Variants in NBEA observed in about 807,000 individuals in gnomAD.
NBEA encodes the protein neurobeachin, also known as lysosomal-trafficking regulator 2.
A neutral mutation model predicts 343.4 loss-of-function variants in NBEA; 44 were observed. The ratio of observed to expected loss-of-function variants is 0.13; its 90% confidence interval spans 0.10 to 0.16. The LOEUF is 0.16. Ranked by LOEUF, NBEA falls within the 10% of genes least tolerant of loss-of-function variation. The pLI is 1.00. For missense variants in NBEA, 2,555 were observed against 3,631.3 expected, an observed-to-expected ratio of 0.70 and a Z score of 7.62; for synonymous variants, 1,175 against 1,238.7, an observed-to-expected ratio of 0.95 and a Z score of 1.08.
Position 35,015,134 on chromosome 13 carries a change from AAAAAACAAAC to A in NBEA, c.295-25793_295-25784del, listed in dbSNP as rs1391425989. Among the ~76,000 whole-genome samples, 8 of 131,098 alleles carry A rather than the reference AAAAAACAAAC, an allele frequency of 6.1e-5. 1 individual carries two copies. The highest frequency in any genetic ancestry group is 2.4e-4 in the African/African-American group (8 of 33,098). 86.0% of individuals were successfully genotyped at this position (131,098 alleles called of 152,430 possible). A position where few individuals can be genotyped will look rare whatever the true frequency, so the allele number is the denominator to read the frequency against. On this transcript the variant is annotated intron_variant, in intron 1 of 58. Coordinates refer to ENST00000379939, the MANE Select transcript of NBEA (RefSeq NM_001385012.1). ...CAAAAAGCAACGAGATCTGAAAAAA[AAAAAACAAAC>A]AAAAAAAAAAAACCACACACAAAGC...
intron 13 of NBEA, among the ~76,000 whole-genome samples, chr13:35,115,121 GA>G (rs1408072408): frequency 1.3e-5 from 2 of 152,020 alleles, no homozygotes; most frequent in Non-Finnish European, 2.9e-5. Context: ...GGTAGCAAGT[GA>G]AATCATACAA....
At chr13:35,561,029 A>G (rs901010511) in intron 44 of NBEA, among the ~76,000 whole-genome samples, 5 of 152,204 alleles carry the variant, frequency 3.3e-5, no homozygotes, top group Non-Finnish European at 7.4e-5. Context: ...TGCTGATGCC[A>G]TTGATCTAGG....
At chr13:35,578,965 G>A (rs915702601) in intron 45 of NBEA, among the ~76,000 whole-genome samples, 4 of 150,964 alleles carry the variant, frequency 2.6e-5, no homozygotes, top group African/African-American at 9.8e-5. Context: ...TACATGAAAT[G>A]AAGTTTGTGT....
At chr13:35,316,270 C>G (rs896226942) in intron 36 of NBEA, among the ~76,000 whole-genome samples, 6 of 151,964 alleles carry the variant, frequency 3.9e-5, no homozygotes, top group Admixed American at 2.0e-4. Context: ...TCCTCCACCC[C>G]CCAACAGGCC....
At chr13:35,640,166 G>T (rs756343505) in intron 49 of NBEA, among the ~76,000 whole-genome samples, 1 of 152,096 alleles carries the variant, frequency 6.6e-6, no homozygotes, top group Non-Finnish European at 1.5e-5. Flanking sequence ...AAGCAAATGT[G>T]CAACACATAA....
intron 10 of NBEA, among the ~76,000 whole-genome samples, chr13:35,090,061 AAAATAAAT>A (rs71078079): frequency 5.5e-5 from 8 of 145,176 alleles, no homozygotes; most frequent in African/African-American, 1.0e-4. Context: ...AAAGTATAAT[AAAATAAAT>A]AAATAAATAA....
At chr13:35,113,627 A>ATCTATCTATCTGTCTG (rs138177740) in intron 13 of NBEA, among the ~76,000 whole-genome samples, 78 of 150,720 alleles carry the variant, frequency 5.2e-4, no homozygotes, top group African/African-American at 1.7e-3. Context: ...CTATCTATCT[A>ATCTATCTATCTGTCTG]TCTGTCTGTC....
intron 1 of NBEA, among the ~76,000 whole-genome samples, chr13:35,007,300 T>G (rs2061350376): frequency 6.6e-6 from 1 of 152,184 alleles, no homozygotes; most frequent in Admixed American, 6.5e-5. Flanking sequence ...TTTTTATCCT[T>G]ATGTCCTTAC....
At chr13:35,332,577 A>G (rs1480369706) in intron 36 of NBEA, among the ~76,000 whole-genome samples, 2 of 152,154 alleles carry the variant, frequency 1.3e-5, no homozygotes, top group Non-Finnish European at 2.9e-5. Flanking sequence ...TTTCTATATC[A>G]TAATAAGTTT....
rs114893461 is a variant in NBEA at position 35,408,765 on chromosome 13, C to T, written c.6180-23504C>T. 7.5e-3 allele frequency among the ~76,000 whole-genome samples: 1,149 copies of T among 152,260 alleles called. 19 individuals carry two copies. Among genetic ancestry groups the T allele is most frequent in the African/African-American group, 0.026 (1,097 of 41,546 alleles). ...TGAAAAAAAGTTCAACATCACTGAT[C>T]TTAGGAGAAATGCAAATCAATACCA... On this transcript the variant is annotated intron_variant, in intron 38 of 58. Transcript: ENST00000379939.
intron 38 of NBEA, among the ~76,000 whole-genome samples, chr13:35,399,126 T>C (rs1380699596): frequency 1.3e-5 from 2 of 152,150 alleles, no homozygotes; most frequent in Non-Finnish European, 2.9e-5. Context: ...CTTCAAACTC[T>C]TCTTCTAGGC....
chr13:35,061,131 A>G (rs1209105744), intron 8 of NBEA, among the ~76,000 whole-genome samples: 4 of 151,784 alleles, frequency 2.6e-5, no homozygotes, highest in East Asian at 3.9e-4. Context: ...TGTATATTCA[A>G]TGGAGCCTAT....
intron 33 of NBEA, among the ~76,000 whole-genome samples, chr13:35,230,072 C>T (rs1484160911): frequency 2.6e-5 from 4 of 151,802 alleles, no homozygotes; most frequent in Non-Finnish European, 4.4e-5. Context: ...CAGGATGATA[C>T]GTAAGAGCAA....
At chr13:35,277,141 C>T (rs1260344727) in intron 34 of NBEA, among the ~76,000 whole-genome samples, 1 of 152,012 alleles carries the variant, frequency 6.6e-6, no homozygotes, top group Non-Finnish European at 1.5e-5. Context: ...TGGTACTTAC[C>T]TTAACACTGC....
intron 55 of NBEA, among the ~76,000 whole-genome samples, chr13:35,664,252 T>G (rs2085243450): frequency 6.6e-6 from 1 of 152,012 alleles, no homozygotes; most frequent in East Asian, 1.9e-4. Flanking sequence ...TGAGGGCCAG[T>G]AGTTCAACCT....
At chr13:35,199,064 C>T (rs2072833308) in intron 31 of NBEA, among the ~76,000 whole-genome samples, 1 of 151,980 alleles carries the variant, frequency 6.6e-6, no homozygotes, top group Admixed American at 6.6e-5. Flanking sequence ...TGTCTGTCAG[C>T]CATTCAATAG....
At chr13:35,563,757 T>G (rs1174806977) in intron 44 of NBEA, among the ~76,000 whole-genome samples, 1 of 151,930 alleles carries the variant, frequency 6.6e-6, no homozygotes, top group Non-Finnish European at 1.5e-5. Context: ...CAAAAAAAAA[T>G]GCAGGACAGA....
At chr13:35,069,836 T>G in intron 8 of NBEA, 72 bp from the exon 9 acceptor site, 1 of 1,080,058 alleles carries the variant, frequency 9.3e-7, no homozygotes, top group Non-Finnish European at 1.3e-6. Flanking sequence ...TGTAAATGTT[T>G]CTCTGCTTTA....
chr13:35,196,970 T>C (rs2072657002), intron 31 of NBEA, among the ~76,000 whole-genome samples: 1 of 152,168 alleles, frequency 6.6e-6, no homozygotes, highest in Non-Finnish European at 1.5e-5. Flanking sequence ...TGCAAGGAAT[T>C]TTTTTAAGGA....
Sources: gnomAD v4.1 joint callset for allele counts (sites outside exome capture counted in the v4.1 genomes callset) on GRCh38, gnomAD v4.1.1 for gene constraint, MANE v1.5 for transcripts, NCBI Gene and HGNC (gene_info 2026-07-23, HGNC 2026-07-21) for gene names.